Variants in SYNE2 observed in about 807,000 individuals in gnomAD.
SYNE2 encodes the protein spectrin repeat containing nuclear envelope protein 2.
Under a neutral mutation model 856.3 loss-of-function variants are expected in SYNE2, and 431 were observed. That is an observed-to-expected ratio of 0.50 (90% CI 0.47 to 0.55). The LOEUF (loss-of-function observed/expected upper bound fraction) is 0.55. Among genes scored for constraint, SYNE2 ranks in the 20% least tolerant of loss-of-function variants. The pLI is 0.00. For missense variants in SYNE2, 8,129 were observed against 8,023.2 expected, an observed-to-expected ratio of 1.01 and a Z score of -0.50; for synonymous variants, 2,923 against 2,872.3, an observed-to-expected ratio of 1.02 and a Z score of -0.56.
At chr14:64,200,525 C>T (rs1242626144) in intron 99 of SYNE2, among the ~76,000 whole-genome samples, 2 of 152,168 alleles carry the variant, frequency 1.3e-5, no homozygotes, top group Non-Finnish European at 2.9e-5. Flanking sequence ...TGGCAAGATA[C>T]TGGGGTGAGG....
intron 26 of SYNE2, among the ~76,000 whole-genome samples, 164 bp from the exon 27 acceptor site, chr14:63,998,750 A>G (rs2096732073): frequency 6.6e-6 from 1 of 152,046 alleles, no homozygotes; most frequent in Non-Finnish European, 1.5e-5. Flanking sequence ...TTTAGTAGAG[A>G]TGAGGTTTCG....
intron 78 of SYNE2, among the ~76,000 whole-genome samples, chr14:64,135,627 A>G: frequency 6.6e-6 from 1 of 152,190 alleles, no homozygotes; most frequent in East Asian, 1.9e-4. Flanking sequence ...CAACAGTCTA[A>G]TATTAGCCAA....
intron 1 of SYNE2, among the ~76,000 whole-genome samples, chr14:63,886,274 A>G (rs1194438183): frequency 6.6e-6 from 1 of 152,220 alleles, no homozygotes; most frequent in East Asian, 1.9e-4. Flanking sequence ...ATGTACCAAC[A>G]GGAAGATGTG....
intron 1 of SYNE2, among the ~76,000 whole-genome samples, chr14:63,814,297 C>A (rs914756940): frequency 6.7e-6 from 1 of 149,364 alleles, no homozygotes; most frequent in African/African-American, 2.5e-5. Context: ...AACAAACAAA[C>A]AAAGAACAGA....
At position 63,872,072 on chromosome 14, in the gene SYNE2, G is replaced by T. The variant is rs1291012287; in HGVS notation, c.-52+18929G>T. On this transcript the variant is annotated intron_variant, in intron 1 of 115. Coordinates refer to ENST00000555002, the MANE Select transcript of SYNE2 (RefSeq NM_182914.3). ...GTATTTGACAGCTGGTAGTGTGTGG[G>T]CCCGGCCGTGTCAAGTTGTACCAGC... is the stretch of plus-strand genomic sequence containing the variant. Among the ~76,000 whole-genome samples the T allele has an allele frequency of 2.6e-5, 4 of 152,064 alleles. No homozygotes were observed. In the East Asian group the frequency reaches 7.7e-4, roughly 29 times the overall value.
chr14:63,808,894 A>G (rs530183635), intron 1 of SYNE2, among the ~76,000 whole-genome samples: 7 of 152,004 alleles, frequency 4.6e-5, no homozygotes, highest in Non-Finnish European at 7.4e-5. Flanking sequence ...ATGGTGGCAC[A>G]TGCCTGTAAT....
At chr14:64,196,636 C>CA (rs1021394109) in intron 99 of SYNE2, 1 of 152,192 alleles carries the variant, frequency 6.6e-6, no homozygotes, top group Admixed American at 6.5e-5. Flanking sequence ...AAACCTGAAA[C>CA]AGAGAAATTT....
At chr14:64,224,116 A>G (rs2098707029) in intron 113 of SYNE2, among the ~76,000 whole-genome samples, 1 of 147,270 alleles carries the variant, frequency 6.8e-6, no homozygotes, top group Admixed American at 6.9e-5. Context: ...AGGCCAAGGC[A>G]GGTGGATCAC....
In SYNE2 at chr14:64,053,052, A is replaced by G. The variant is rs1404614103; in HGVS notation, c.9139A>G (p.Lys3047Glu). 3 of 1,613,988 alleles carry G rather than the reference A, an allele frequency of 1.9e-6. No individual in the cohort carries two copies. The African/African-American group carries it at 4.0e-5, about 22-fold the overall frequency. The change falls in exon 48 of 116, where the codon AAA becomes GAA. Residue 3047 changes from lysine (K) to glutamate (E), a missense_variant. Physicochemically the swap from Lys to Glu is moderately conservative, Grantham distance 56. This residue lies in a region of SYNE2 where 5,410 missense variants were observed against 5,284.8 expected (regional missense o/e 1.02). Coordinates refer to ENST00000555002, the MANE Select transcript of SYNE2 (RefSeq NM_182914.3). Reference sequence around the variant, plus strand: ...GGACACATTTGAGGAAGAACATGGCAAATATCAGGCATTATTAAGTAAAAT... The same window carrying G: ...GGACACATTTGAGGAAGAACATGGCGAATATCAGGCATTATTAAGTAAAAT... Reference protein sequence around the residue: ...QLDTFEEEHGKYQALLSKMRA... With the variant: ...QLDTFEEEHGEYQALLSKMRA...
chr14:64,183,468 A>ACCAT lies in SYNE2; in HGVS notation c.17557-2955_17557-2954insCATC, dbSNP rs1322380054. On this transcript the variant is annotated intron_variant, in intron 96 of 115. Transcript: ENST00000555002. ...GGCAGAGGGGCTCCTCACATCCCAG[A>ACCAT]CGATGGGCGGCCAGGCAGAGACGCT... is the stretch of plus-strand genomic sequence containing the variant. Among the ~76,000 whole-genome samples the ACCAT allele has an allele frequency of 3.3e-5, 5 of 151,260 alleles. No homozygotes were observed. In the East Asian group the frequency reaches 9.9e-4, roughly 30 times the overall value.
chr14:63,806,805 A>T, intron 1 of SYNE2, among the ~76,000 whole-genome samples: 1 of 127,228 alleles, frequency 7.9e-6, no homozygotes, highest in African/African-American at 2.6e-5. Context: ...GTTTATTTGG[A>T]TCTTCTCTCT....
Position 64,056,282 on chromosome 14 carries a change from A to G in SYNE2, c.10067+16A>G, listed in dbSNP as rs2097267957. ...AGGCAGAAAGGTAGGTCCTCTTCCA[A>G]AGGTAATCTTTAAGAACATAAAATA... On this transcript the variant is annotated intron_variant, in intron 49 of 115. Transcript: ENST00000555002. 6.2e-7 allele frequency: 1 copy of G among 1,602,182 alleles called. No individual in the cohort carries two copies. The highest frequency in any genetic ancestry group is 8.5e-7 in the Non-Finnish European group (1 of 1,170,058).
intron 31 of SYNE2, among the ~76,000 whole-genome samples, chr14:64,007,801 A>G (rs917688122): frequency 4.6e-5 from 7 of 152,240 alleles, no homozygotes; most frequent in Middle Eastern, 3.4e-3. Flanking sequence ...ACCTGAGGTC[A>G]GGAGTTCGAG....
At chr14:64,209,291 A>AGTG in intron 101 of SYNE2, 137 bp from the exon 102 acceptor site, 1 of 1,398,504 alleles carries the variant, frequency 7.2e-7, no homozygotes, top group Non-Finnish European at 9.9e-7. Flanking sequence ...ACAGACAAGA[A>AGTG]GTGGCGTCCC....
At chr14:63,992,605 G>A (rs977775458) in intron 21 of SYNE2, among the ~76,000 whole-genome samples, 3 of 152,132 alleles carry the variant, frequency 2.0e-5, no homozygotes, top group African/African-American at 7.2e-5. Context: ...CCAGAGAAGG[G>A]CTGGAGGTGT....
At position 64,215,585 on chromosome 14, in the gene SYNE2, G is replaced by A. The variant is rs996975995; in HGVS notation, c.19402+231G>A. On this transcript the variant is annotated intron_variant, in intron 107 of 115. Transcript: ENST00000555002. The stretch of plus-strand genomic sequence containing the variant: ...TGCCAACCCCCTCTCCTCCCTTCAG[G>A]CCTGTGCAGAGGGAATTTTTCATGG... 1.7e-5 allele frequency: 10 copies of A among 603,316 alleles called. No individual in the cohort carries two copies. In the Admixed American group the frequency reaches 2.9e-4, roughly 18 times the overall value. The allele number at this position is 603,316 out of a possible 1,614,324, so 37.4% of individuals were successfully genotyped here.
chr14:64,103,037 T>C (rs2097746007), intron 64 of SYNE2, among the ~76,000 whole-genome samples: 1 of 152,218 alleles, frequency 6.6e-6, no homozygotes, highest in African/African-American at 2.4e-5. Flanking sequence ...CACATGTTCT[T>C]TCTCCATTCA....
intron 2 of SYNE2, among the ~76,000 whole-genome samples, chr14:63,927,737 C>T (rs1426263432): frequency 6.6e-6 from 1 of 151,862 alleles, no homozygotes; most frequent in Non-Finnish European, 1.5e-5. Flanking sequence ...ACTAAAAATA[C>T]AAAAATTAGC....
intron 51 of SYNE2, among the ~76,000 whole-genome samples, chr14:64,070,310 G>C (rs2097395797): frequency 2.0e-5 from 3 of 152,226 alleles, no homozygotes; most frequent in Non-Finnish European, 2.9e-5. Flanking sequence ...AGTGAAAGCA[G>C]TTTGGTGGAG....
Sources: gnomAD v4.1 joint callset for allele counts (sites outside exome capture counted in the v4.1 genomes callset) on GRCh38, gnomAD v4.1.1 for gene constraint, gnomAD v4.1.1 regional missense constraint, MANE v1.5 for transcripts, NCBI Gene and HGNC (gene_info 2026-07-23, HGNC 2026-07-21) for gene names.